The following KLF8 variants were observed in gnomAD, a reference collection of about 807,000 sequenced individuals.
The protein encoded by KLF8 is KLF transcription factor 8.
In KLF8, 10 loss-of-function variants were observed where a neutral mutation model predicts 18.2. The ratio of observed to expected loss-of-function variants is 0.55; its 90% confidence interval spans 0.34 to 0.93. KLF8 has a LOEUF of 0.93. Ranked by LOEUF, KLF8 falls within the 40% of genes least tolerant of loss-of-function variation. The pLI, the probability that KLF8 is intolerant of heterozygous loss-of-function variation, is 0.02. For missense variants in KLF8, 264 were observed against 277.9 expected (o/e 0.95, Z 0.36); for synonymous variants, 109 against 97.3 (o/e 1.12, Z -0.71).
the KLF8 span, among the ~76,000 whole-genome samples, chrX:56,124,706 G>A: frequency 1.8e-5 from 2 of 111,486 alleles, no homozygotes; most frequent in African/African-American, 6.5e-5. Context: ...GGTAAAGAAG[G>A]GTGATGTCAT....
At chrX:55,956,173 T>TATC in the KLF8 span, among the ~76,000 whole-genome samples, 253 of 99,376 alleles carry the variant, frequency 2.5e-3, 1 homozygote, top group Middle Eastern at 5.0e-3. Context: ...ATCTATCATC[T>TATC]ATCTATCTAT....
At chrX:56,173,861 A>C in the KLF8 span, among the ~76,000 whole-genome samples, 34 of 111,651 alleles carry the variant, frequency 3.0e-4, no homozygotes, top group Non-Finnish European at 5.8e-4. Context: ...CTTTGAAGCA[A>C]TCCTGAATGG....
At chrX:56,172,079 A>G in the KLF8 span, among the ~76,000 whole-genome samples, 1 of 110,372 alleles carries the variant, frequency 9.1e-6, no homozygotes, top group Non-Finnish European at 1.9e-5. Flanking sequence ...CTGGTGTGAG[A>G]TGATATCTTG....
At chrX:56,248,622 G>A (rs2066659497) in intron 1 of KLF8, among the ~76,000 whole-genome samples, 1 of 111,367 alleles carries the variant, frequency 9.0e-6, no homozygotes, top group Non-Finnish European at 1.9e-5. Flanking sequence ...AGGGAGAATC[G>A]AATCTTCTCC....
chrX:56,058,385 A>G, the KLF8 span, among the ~76,000 whole-genome samples: 1 of 91,285 alleles, frequency 1.1e-5, no homozygotes, highest in Non-Finnish European at 2.2e-5. Flanking sequence ...ACCTGTGCAG[A>G]ATGTGCCAGT....
chrX:56,166,303 T>A, the KLF8 span, among the ~76,000 whole-genome samples: 2 of 111,899 alleles, frequency 1.8e-5, no homozygotes, highest in African/African-American at 6.5e-5. Flanking sequence ...TTTTTAAAAC[T>A]AAAATGTATG....
chrX:56,127,989 T>A, the KLF8 span, among the ~76,000 whole-genome samples: 1 of 111,776 alleles, frequency 8.9e-6, no homozygotes, highest in Non-Finnish European at 1.9e-5. Context: ...CTTGATGGCA[T>A]GAAGGATGAC....
At chrX:56,184,622 C>T in the KLF8 span, among the ~76,000 whole-genome samples, 2 of 111,757 alleles carry the variant, frequency 1.8e-5, no homozygotes, top group Non-Finnish European at 1.9e-5. Flanking sequence ...GGGAGGCACC[C>T]CCGAGTAGCG....
the KLF8 span, among the ~76,000 whole-genome samples, chrX:56,086,963 A>T: frequency 9.0e-6 from 1 of 111,638 alleles, no homozygotes; most frequent in Non-Finnish European, 1.9e-5. Flanking sequence ...GGGAGACTAG[A>T]GCTCAAGAGC....
chrX:56,160,601 A>G, the KLF8 span, among the ~76,000 whole-genome samples: 1 of 111,611 alleles, frequency 9.0e-6, no homozygotes, highest in African/African-American at 3.3e-5. Context: ...TATTTAGGAT[A>G]GTTAGCTGTT....
the KLF8 span, among the ~76,000 whole-genome samples, chrX:56,060,790 T>G: frequency 8.9e-6 from 1 of 112,083 alleles, no homozygotes; most frequent in Non-Finnish European, 1.9e-5. Context: ...TCTTTGTACC[T>G]CTGGTAGAAT....
the KLF8 span, among the ~76,000 whole-genome samples, chrX:56,167,815 A>T: frequency 8.9e-6 from 1 of 112,548 alleles, no homozygotes; most frequent in Non-Finnish European, 1.9e-5. Context: ...CCACATTCTA[A>T]AATGTACTAC....
the KLF8 span, among the ~76,000 whole-genome samples, chrX:56,175,289 G>A: frequency 3.2e-4 from 36 of 111,657 alleles, no homozygotes; most frequent in African/African-American, 1.0e-3. Flanking sequence ...AGATTCTGGT[G>A]TGTTGTGTCT....
the KLF8 span, among the ~76,000 whole-genome samples, chrX:56,173,740 G>C: frequency 8.9e-6 from 1 of 111,793 alleles, no homozygotes; most frequent in Non-Finnish European, 1.9e-5. Context: ...AGCATGGAAT[G>C]TTCTTCCATT....
At chrX:56,183,387 G>C in the KLF8 span, among the ~76,000 whole-genome samples, 1 of 112,071 alleles carries the variant, frequency 8.9e-6, no homozygotes, top group East Asian at 2.8e-4. Flanking sequence ...CCTTGGCTAG[G>C]AAAGGGAATT....
intron 2 of KLF8, among the ~76,000 whole-genome samples, chrX:56,263,844 T>C (rs2066921229): frequency 8.9e-6 from 1 of 111,998 alleles, no homozygotes; most frequent in Admixed American, 9.5e-5. Context: ...TCAATCTTCA[T>C]TAAGAAGCTA....
the KLF8 span, among the ~76,000 whole-genome samples, chrX:56,108,103 T>A: frequency 8.9e-6 from 1 of 112,047 alleles, no homozygotes; most frequent in Admixed American, 9.5e-5. Context: ...CATAGGTTTT[T>A]AAATAATTTT....
chrX:56,178,514 T>C, the KLF8 span, among the ~76,000 whole-genome samples: 9 of 112,407 alleles, frequency 8.0e-5, no homozygotes, highest in African/African-American at 2.9e-4. Flanking sequence ...AATTTTGTCT[T>C]TTGTTGCCAT....
the KLF8 span, among the ~76,000 whole-genome samples, chrX:56,177,190 G>A: frequency 1.8e-5 from 2 of 111,619 alleles, no homozygotes; most frequent in Non-Finnish European, 3.8e-5. Context: ...GATTTTTAGA[G>A]TGTCCAGTTT....
Sources: allele counts gnomAD v4.1 joint callset (sites outside exome capture counted in the v4.1 genomes callset), GRCh38; gene constraint gnomAD v4.1.1; transcripts MANE v1.5; gene names NCBI Gene and HGNC (gene_info 2026-07-23, HGNC 2026-07-21).